RIPOR3: variants seen among roughly 807,000 people sequenced by gnomAD.
RIPOR3 encodes the protein family with sequence similarity 65 member C.
RIPOR3 carries 95 observed loss-of-function variants against 114.3 expected under a neutral mutation model. The observed-to-expected ratio is 0.83, with a 90% CI of 0.70 to 0.99. RIPOR3 has a LOEUF of 0.99. RIPOR3 is among the 50% of genes least tolerant of loss of function. The probability of loss-of-function intolerance (pLI) is 0.00; values close to 1 mark genes in which losing one functional copy is unlikely to be tolerated. For missense variants in RIPOR3, 1,252 were observed against 1,266.9 expected, an observed-to-expected ratio of 0.99 and a Z score of 0.18; for synonymous variants, 575 against 543.8, an observed-to-expected ratio of 1.06 and a Z score of -0.80.
chr20:50,595,402 C>T lies in RIPOR3; in HGVS notation c.2017G>A (p.Glu673Lys). The T allele has an allele frequency of 1.2e-6, 2 of 1,614,170 alleles. No individual in the cohort carries two copies. Among genetic ancestry groups the T allele is most frequent in the Non-Finnish European group, 1.7e-6 (2 of 1,180,002 alleles). Residue 673 changes from glutamate (E) to lysine (K), a missense_variant, in exon 16 of 22, where the codon GAG becomes AAG. Coordinates refer to ENST00000327979, the MANE Select transcript of RIPOR3 (RefSeq NM_001290268.2). ...ATGGATGTTGCCTTGCCGACCTTCT[C>T]AAAGTCAAGGACAGAAAGTGTCTCC... ...VLETLSVLDFEKVGKATSIEE... is the reference protein window; with the variant it reads ...VLETLSVLDFKKVGKATSIEE...
chr20:50,648,513 C>T (rs999514267), intron 1 of RIPOR3, among the ~76,000 whole-genome samples: 5 of 151,392 alleles, frequency 3.3e-5, no homozygotes, highest in African/African-American at 1.2e-4. Context: ...TTTCCACTGA[C>T]CAGGGTGGGG....
At chr20:50,677,771 G>A (rs1359913005) in intron 1 of RIPOR3, among the ~76,000 whole-genome samples, 1 of 150,474 alleles carries the variant, frequency 6.6e-6, no homozygotes, top group East Asian at 2.0e-4. Flanking sequence ...CCTGGTTCAA[G>A]TGATTCTCCT....
chr20:50,658,031 C>T (rs1013957689), intron 1 of RIPOR3, among the ~76,000 whole-genome samples: 8 of 152,088 alleles, frequency 5.3e-5, no homozygotes, highest in African/African-American at 1.9e-4. Context: ...TCCCAAAGTA[C>T]TGGGATTACA....
chr20:50,638,718 G>T (rs1380923176), intron 1 of RIPOR3, among the ~76,000 whole-genome samples: 4 of 152,114 alleles, frequency 2.6e-5, no homozygotes, highest in African/African-American at 9.7e-5. Flanking sequence ...TAGCGGGAGG[G>T]AGCGGGGGAA....
intron 4 of RIPOR3, among the ~76,000 whole-genome samples, chr20:50,615,018 T>C (rs879776754): frequency 1.4e-4 from 21 of 151,686 alleles, no homozygotes; most frequent in Admixed American, 1.4e-3. Context: ...TATCACACCA[T>C]TGCACTCCAG....
intron 20 of RIPOR3, among the ~76,000 whole-genome samples, chr20:50,588,681 A>G (rs980867539): frequency 2.4e-4 from 36 of 148,686 alleles, no homozygotes; most frequent in African/African-American, 7.6e-4. Flanking sequence ...AAACTTTCCT[A>G]TGAAAGCAGC....
At chr20:50,643,175 T>A (rs144944292) in intron 1 of RIPOR3, among the ~76,000 whole-genome samples, 2 of 150,332 alleles carry the variant, frequency 1.3e-5, no homozygotes, top group East Asian at 4.0e-4. Context: ...CAGGCGGAAG[T>A]GCAGTGGCTG....
At chr20:50,596,118 A>T in intron 15 of RIPOR3, 22 bp downstream of exon 15, 1 of 1,613,876 alleles carries the variant, frequency 6.2e-7, no homozygotes, top group Non-Finnish European at 8.5e-7. Flanking sequence ...CCCCTCCCTG[A>T]CAAGTCCCCT....
chr20:50,594,041 C>T (rs1036488682), intron 17 of RIPOR3, among the ~76,000 whole-genome samples: 8 of 151,940 alleles, frequency 5.3e-5, no homozygotes, highest in Admixed American at 1.3e-4. Context: ...GAGGCCGAGG[C>T]GGGCGAATCA....
intron 1 of RIPOR3, among the ~76,000 whole-genome samples, chr20:50,642,635 C>G (rs1318291094): frequency 6.6e-6 from 1 of 151,408 alleles, no homozygotes; most frequent in African/African-American, 2.4e-5. Context: ...TTCCACTGCT[C>G]CTCAGAAATA....
In RIPOR3 at chr20:50,595,365, T is replaced by C. The variant is rs1427153789; in HGVS notation, c.2050+4A>G. On this transcript the variant is annotated splice_donor_region_variant and intron_variant, in intron 16 of 21. Coordinates refer to ENST00000327979, the MANE Select transcript of RIPOR3 (RefSeq NM_001290268.2). ...CAGCCCCTGGGTGGCAGGCAGCTAC[T>C]TACTCTCTTCAATGGATGTTGCCTT... is the stretch of plus-strand genomic sequence containing the variant. The C allele has an allele frequency of 1.2e-6, 2 of 1,612,852 alleles. No homozygotes were observed.
At chr20:50,637,031 G>T in intron 1 of RIPOR3, 2 of 579,504 alleles carry the variant, frequency 3.5e-6, no homozygotes, top group Non-Finnish European at 4.4e-6. Flanking sequence ...AAAGGAAATG[G>T]CAAAATAGCC....
At position 50,620,003 on chromosome 20, in the gene RIPOR3, T is replaced by C. The variant is rs1044151341; in HGVS notation, c.252A>G (p.Ala84=). 6.2e-6 allele frequency: 10 copies of C among 1,612,488 alleles called. No homozygotes were observed. The highest frequency in any genetic ancestry group is 7.6e-6 in the Non-Finnish European group (9 of 1,178,678). The change falls in exon 3 of 22, where the codon GCA becomes GCG. Residue 84 remains alanine, a synonymous_variant. Coordinates refer to ENST00000327979, the MANE Select transcript of RIPOR3 (RefSeq NM_001290268.2). ...AGCCTTACTTGAGGCCTCTTTTCAATGCTTCGAAGATCTTCTTCACCTGCT... is the reference window on the plus strand; with the variant it reads ...AGCCTTACTTGAGGCCTCTTTTCAACGCTTCGAAGATCTTCTTCACCTGCT... The part of the protein sequence containing the change: ...KPQQVKKIFE[A]LKRGLKEYLC...
chr20:50,600,956 TAAAA>T (rs2083473074), intron 13 of RIPOR3, among the ~76,000 whole-genome samples: 1 of 152,200 alleles, frequency 6.6e-6, no homozygotes, highest in Non-Finnish European at 1.5e-5. Flanking sequence ...TGGTTGGCGA[TAAAA>T]TGTGTTTGAA....
At chr20:50,681,224 C>CAAAAAAAAA (rs752151661) in intron 1 of RIPOR3, among the ~76,000 whole-genome samples, 5 of 47,620 alleles carry the variant, frequency 1.0e-4, no homozygotes, top group Non-Finnish European at 1.5e-4. Flanking sequence ...AACTCTGTCT[C>CAAAAAAAAA]AAAAAAAAAA....
chr20:50,639,848 G>A (rs1418769528), intron 1 of RIPOR3, among the ~76,000 whole-genome samples: 1 of 152,068 alleles, frequency 6.6e-6, no homozygotes, highest in Admixed American at 6.5e-5. Context: ...GGTTATGGGA[G>A]GGTCCCTGGA....
intron 1 of RIPOR3, among the ~76,000 whole-genome samples, chr20:50,679,149 T>TATATAC (rs1281364656): frequency 7.0e-5 from 7 of 99,724 alleles, no homozygotes; most frequent in Non-Finnish European, 1.2e-4. Context: ...TATATATATA[T>TATATAC]ACACACACAC....
In RIPOR3 at chr20:50,616,169, G is replaced by A; in HGVS notation, c.270-89C>T. The A allele has an allele frequency of 3.0e-6, 4 of 1,344,752 alleles. No homozygotes were observed. The South Asian group carries it at 3.9e-5, about 13-fold the overall frequency. 83.3% of individuals were successfully genotyped at this position (1,344,752 alleles called of 1,614,324 possible). A position where few individuals can be genotyped will look rare whatever the true frequency, so the allele number is the denominator to read the frequency against. ...CAAATGGACAATGTCCCCACGTGGAGAGCAGACACGGGGCTCAGCGGGGCT... is the reference window on the plus strand; with the variant it reads ...CAAATGGACAATGTCCCCACGTGGAAAGCAGACACGGGGCTCAGCGGGGCT... On this transcript the variant is annotated intron_variant, in intron 3 of 21. Transcript: ENST00000327979.
chr20:50,610,735 TA>T, intron 6 of RIPOR3, 117 bp downstream of exon 6: 1 of 1,367,954 alleles, frequency 7.3e-7, no homozygotes, highest in Non-Finnish European at 1.0e-6. Flanking sequence ...AGCTGCCCCA[TA>T]CCCAGAGGCC....
Sources: allele counts gnomAD v4.1 joint callset (sites outside exome capture counted in the v4.1 genomes callset), GRCh38; gene constraint gnomAD v4.1.1; transcripts MANE v1.5; gene names NCBI Gene and HGNC (gene_info 2026-07-23, HGNC 2026-07-21).